Variants in SAMD4A observed in about 807,000 individuals in gnomAD.
The protein encoded by SAMD4A is sterile alpha motif domain containing 4A.
A neutral mutation model predicts 81.3 loss-of-function variants in SAMD4A; 33 were observed. The ratio of observed to expected loss-of-function variants is 0.41; its 90% CI spans 0.31 to 0.54. The LOEUF (loss-of-function observed/expected upper bound fraction) is 0.54, where lower values mean the gene tolerates loss of function less well. Among genes scored for constraint, SAMD4A ranks in the 20% least tolerant of loss-of-function variants. The pLI, the probability that SAMD4A is intolerant of heterozygous loss-of-function variation, is 0.37. For synonymous variants in SAMD4A, 389 were observed against 382.1 expected (o/e 1.02, Z -0.21); for missense variants, 854 against 951.1 (o/e 0.90, Z 1.34).
intron 5 of SAMD4A, among the ~76,000 whole-genome samples, chr14:54,750,038 C>T (rs892684257): frequency 6.6e-6 from 1 of 152,192 alleles, no homozygotes; most frequent in African/African-American, 2.4e-5. Context: ...TAACATTTCT[C>T]CCACCTCTTT....
Position 54,751,513 on chromosome 14 carries a change from A to T in SAMD4A, c.1152A>T (p.Gln384His), listed in dbSNP as rs768765586. ...VISIQKLKERQNLLKSLERDI... is the reference protein window; with the variant it reads ...VISIQKLKERHNLLKSLERDI... ...GTATTCAGAAGCTCAAAGAAAGACA[A>T]AATCTCCTGAAGTCTTTGGAAAGGG... Residue 384 changes from glutamine to histidine, a missense_variant, in exon 6 of 13, where the codon CAA becomes CAT. Physicochemically the swap from Gln to His is conservative, Grantham distance 24. Coordinates refer to ENST00000554335, the MANE Select transcript of SAMD4A (RefSeq NM_015589.6). 3 of 1,607,448 alleles carry T rather than the reference A, an allele frequency of 1.9e-6. No individual in the cohort carries two copies. The South Asian group carries it at 3.3e-5, about 18-fold the overall frequency.
intron 2 of SAMD4A, among the ~76,000 whole-genome samples, chr14:54,685,496 T>C (rs936586221): frequency 6.6e-6 from 1 of 152,260 alleles, no homozygotes; most frequent in African/African-American, 2.4e-5. Flanking sequence ...TGTTTACCTA[T>C]TCATCTGTTG....
intron 3 of SAMD4A, 136 bp from the exon 4 acceptor site, chr14:54,736,888 T>C: frequency 3.9e-6 from 4 of 1,018,108 alleles, no homozygotes; most frequent in Non-Finnish European, 5.8e-6. Flanking sequence ...CAGGCCTGTA[T>C]TCAACCTGCT....
intron 2 of SAMD4A, among the ~76,000 whole-genome samples, chr14:54,600,225 G>A (rs887639445): frequency 6.6e-6 from 1 of 152,160 alleles, no homozygotes; most frequent in African/African-American, 2.4e-5. Context: ...CGAAAACCAG[G>A]CACCTTCTCC....
intron 2 of SAMD4A, among the ~76,000 whole-genome samples, chr14:54,695,611 G>A (rs1326308831): frequency 6.6e-6 from 1 of 152,216 alleles, no homozygotes; most frequent in Non-Finnish European, 1.5e-5. Flanking sequence ...AGTAGTCTAG[G>A]ATCAATGGAG....
intron 11 of SAMD4A, among the ~76,000 whole-genome samples, chr14:54,779,929 C>T (rs929140278): frequency 7.2e-5 from 11 of 152,078 alleles, no homozygotes; most frequent in Admixed American, 2.0e-4. Flanking sequence ...GGAGGCAGGG[C>T]GTTTTCTCAA....
rs142639458 is a variant in SAMD4A at position 54,700,387 on chromosome 14, A to G, written c.197-1675A>G. On this transcript the variant is annotated intron_variant, in intron 2 of 12. Transcript: ENST00000554335. Reference sequence around the variant, plus strand: ...ACTCCAAAGCTCATGCTCTTTCATTATATACCATGCCTCTTTTTTTGCTGG... The same window carrying G: ...ACTCCAAAGCTCATGCTCTTTCATTGTATACCATGCCTCTTTTTTTGCTGG... Among the ~76,000 whole-genome samples the G allele has an allele frequency of 2.2e-3, 328 of 152,322 alleles. 2 individuals carry two copies. Among genetic ancestry groups the G allele is most frequent in the African/African-American group, 7.4e-3 (306 of 41,576 alleles).
intron 2 of SAMD4A, among the ~76,000 whole-genome samples, chr14:54,668,470 A>G (rs1306129004): frequency 1.3e-5 from 2 of 152,228 alleles, no homozygotes; most frequent in African/African-American, 4.8e-5. Context: ...TACAGGTGAG[A>G]AAGCCACAGA....
At chr14:54,775,198 CCCCCAGGTGA>C (rs1466104583) in intron 10 of SAMD4A, 63 bp downstream of exon 10, 2 of 1,592,550 alleles carry the variant, frequency 1.3e-6, no homozygotes, top group Non-Finnish European at 1.7e-6. Flanking sequence ...TGCAGATGTC[CCCCCAGGTGA>C]CCCCAGGGTG....
At chr14:54,685,281 C>CCA (rs368449270) in intron 2 of SAMD4A, among the ~76,000 whole-genome samples, 4 of 134,418 alleles carry the variant, frequency 3.0e-5, no homozygotes, top group African/African-American at 1.0e-4. Context: ...CCTGCCCCCC[C>CCA]CCCCAGCTCC....
In SAMD4A at chr14:54,698,928, ATT is replaced by A. The variant is rs57922006; in HGVS notation, c.197-3121_197-3120del. ...TATTTATGTTTTGTTTTTGTTGCTG[ATT>A]TTTTTTTTTTTTAGGTTGACCTTTT... On this transcript the variant is annotated intron_variant, in intron 2 of 12. Coordinates refer to ENST00000554335, the MANE Select transcript of SAMD4A (RefSeq NM_015589.6). Among the ~76,000 whole-genome samples, 205 of 142,884 alleles carry A rather than the reference ATT, an allele frequency of 1.4e-3. 2 individuals carry two copies. The highest frequency in any genetic ancestry group is 4.8e-3 in the African/African-American group (190 of 39,272). The allele number at this position is 142,884 out of a possible 152,430, so 93.7% of individuals were successfully genotyped here. A position where few individuals can be genotyped will look rare whatever the true frequency, so the allele number is the denominator to read the frequency against.
intron 2 of SAMD4A, among the ~76,000 whole-genome samples, chr14:54,660,305 C>T (rs2035612217): frequency 6.6e-6 from 1 of 152,182 alleles, no homozygotes; most frequent in African/African-American, 2.4e-5. Context: ...CTCTGAGAAG[C>T]TAGGTAGGGT....
At chr14:54,757,501 G>A (rs996538065) in intron 6 of SAMD4A, among the ~76,000 whole-genome samples, 2 of 151,588 alleles carry the variant, frequency 1.3e-5, no homozygotes, top group African/African-American at 4.8e-5. Flanking sequence ...GCATGCATAT[G>A]TTTCCTGTTT....
chr14:54,575,402 T>G lies in SAMD4A; in HGVS notation c.196+7290T>G, dbSNP rs566663465. On this transcript the variant is annotated intron_variant, in intron 2 of 12. Coordinates refer to ENST00000554335, the MANE Select transcript of SAMD4A (RefSeq NM_015589.6). Reference sequence around the variant, plus strand: ...AATAAGATGGGGACCACTTATCTTTTGCCCACTGAACTTGCTGATATGAGG... The same window carrying G: ...AATAAGATGGGGACCACTTATCTTTGGCCCACTGAACTTGCTGATATGAGG... Among the ~76,000 whole-genome samples, 5 of 152,346 alleles carry G rather than the reference T, an allele frequency of 3.3e-5. No individual in the cohort carries two copies. The South Asian group carries it at 1.0e-3, about 32-fold the overall frequency.
chr14:54,714,095 A>G (rs1357638014), intron 3 of SAMD4A, among the ~76,000 whole-genome samples: 2 of 152,194 alleles, frequency 1.3e-5, no homozygotes, highest in Admixed American at 6.5e-5. Flanking sequence ...ATAAATATCT[A>G]TATCCATTTT....
chr14:54,718,758 C>T (rs887088016), intron 3 of SAMD4A, among the ~76,000 whole-genome samples: 1 of 152,030 alleles, frequency 6.6e-6, no homozygotes, highest in African/African-American at 2.4e-5. Flanking sequence ...AATCCCAGCA[C>T]TTTGGGAGGC....
chr14:54,581,242 G>A (rs901266545), intron 2 of SAMD4A, among the ~76,000 whole-genome samples: 2 of 152,220 alleles, frequency 1.3e-5, no homozygotes, highest in South Asian at 2.1e-4. Context: ...AAAGCAGAGC[G>A]ACATTATTCT....
At chr14:54,692,310 G>A (rs991587417) in intron 2 of SAMD4A, among the ~76,000 whole-genome samples, 6 of 152,114 alleles carry the variant, frequency 3.9e-5, no homozygotes, top group African/African-American at 1.4e-4. Flanking sequence ...CTGTTGTTCC[G>A]TTTGCTCCAC....
At chr14:54,582,606 A>G (rs907767249) in intron 2 of SAMD4A, among the ~76,000 whole-genome samples, 1 of 152,204 alleles carries the variant, frequency 6.6e-6, no homozygotes, top group Non-Finnish European at 1.5e-5. Flanking sequence ...TGATAGCTAA[A>G]TGCCACATGA....
Sources: gnomAD v4.1 joint callset for allele counts (sites outside exome capture counted in the v4.1 genomes callset) on GRCh38, gnomAD v4.1.1 for gene constraint, MANE v1.5 for transcripts, NCBI Gene and HGNC (gene_info 2026-07-23, HGNC 2026-07-21) for gene names.